The following NACC1 variants were observed in gnomAD, a reference collection of about 807,000 sequenced individuals.
NACC1 encodes the protein nucleus accumbens-associated protein 1.
In NACC1, 6 loss-of-function variants were observed where a neutral mutation model predicts 41.7. That is an observed-to-expected ratio of 0.14 (90% CI 0.08 to 0.28). The LOEUF (loss-of-function observed/expected upper bound fraction) is 0.28, where lower values mean the gene tolerates loss of function less well. NACC1 is among the 10% of genes least tolerant of loss of function. The pLI is 1.00. For synonymous variants in NACC1, 338 were observed against 330.6 expected (o/e 1.02, Z -0.24); for missense variants, 434 against 763.7 (o/e 0.57, Z 5.09).
intron 1 of NACC1, among the ~76,000 whole-genome samples, chr19:13,134,961 T>A (rs962020880): frequency 4.6e-5 from 7 of 152,248 alleles, no homozygotes; most frequent in Non-Finnish European, 1.0e-4. Context: ...GGATAGCGTG[T>A]GGCCACCCTG....
At position 13,137,553 on chromosome 19, in the gene NACC1, C is replaced by T; in HGVS notation, c.1302C>T (p.Ser434=). The T allele has an allele frequency of 6.4e-7, 1 of 1,560,474 alleles. No homozygotes were observed. Among genetic ancestry groups the T allele is most frequent in the Non-Finnish European group, 8.7e-7 (1 of 1,151,688 alleles). The change falls in exon 5 of 6, where the codon AGC becomes AGT. Residue 434 remains serine, a synonymous_variant. Coordinates refer to ENST00000292431, the MANE Select transcript of NACC1 (RefSeq NM_052876.4). The surrounding 1 kb of genome is among the most constrained non-coding windows in gnomAD (Gnocchi z 6.1). ...TNDPRRKPLD[S]RVLHAVKYYC... ...ATCCCCGTCGGAAGCCCCTGGACAG[C>T]CGCGTGCTCCACGCTGTCAAGTGTG...
intron 1 of NACC1, among the ~76,000 whole-genome samples, chr19:13,120,886 A>G (rs1354905333): frequency 1.3e-5 from 2 of 152,218 alleles, no homozygotes; most frequent in Non-Finnish European, 2.9e-5. Flanking sequence ...CTTAGCATGC[A>G]CAGACTCTGT....
At chr19:13,118,079 G>C (rs999220139), upstream of NACC1, 1 of 152,174 alleles carries the variant, frequency 6.6e-6, no homozygotes, top group Non-Finnish European at 1.5e-5. Context: ...CCATCGAGCT[G>C]AGCCGACGTA....
chr19:13,127,975 A>G (rs991102775), intron 1 of NACC1, among the ~76,000 whole-genome samples: 2 of 152,206 alleles, frequency 1.3e-5, no homozygotes, highest in Non-Finnish European at 2.9e-5. Context: ...CCAATAAAGC[A>G]TTGTAGGGGC....
At chr19:13,128,638 C>T (rs1037688726) in intron 1 of NACC1, among the ~76,000 whole-genome samples, 1 of 152,218 alleles carries the variant, frequency 6.6e-6, no homozygotes, top group Non-Finnish European at 1.5e-5. Flanking sequence ...CAGTGTCACC[C>T]CTTCTGGGCA....
At position 13,135,886 on chromosome 19, in the gene NACC1, G is replaced by A; in HGVS notation, c.679G>A (p.Val227Met). Residue 227 changes from valine (V) to methionine (M), a missense_variant, in exon 2 of 6, where the codon GTG becomes ATG. Around this residue, in one of 4 missense-constraint regions of NACC1, gnomAD observed 234 missense variants for 308.3 expected, o/e 0.76. Transcript: ENST00000292431. ...HQPPPPQQAPVVAAAQPAVAA... is the reference protein window; with the variant it reads ...HQPPPPQQAPMVAAAQPAVAA... ...GCCCCCGCCACCCCAACAGGCTCCG[G>A]TGGTGGCAGCAGCCCAGCCCGCCGT... 2 of 1,559,210 alleles carry A rather than the reference G, an allele frequency of 1.3e-6. No homozygotes were observed. Among genetic ancestry groups the A allele is most frequent in the Non-Finnish European group, 1.7e-6 (2 of 1,154,296 alleles).
At chr19:13,122,685 G>A (rs36083263) in intron 1 of NACC1, among the ~76,000 whole-genome samples, 27,029 of 152,116 alleles carry the variant, frequency 0.18, 2,652 homozygotes, top group Non-Finnish European at 0.19. Flanking sequence ...TGAGGTTTGC[G>A]GGAGAGGTTG....
Position 13,137,728 on chromosome 19 carries a change from T to C in NACC1, c.1324+153T>C, listed in dbSNP as rs748872149. On this transcript the variant is annotated intron_variant, in intron 5 of 5. Coordinates refer to ENST00000292431, the MANE Select transcript of NACC1 (RefSeq NM_052876.4). The surrounding 1 kb of genome is among the most constrained non-coding windows in gnomAD (Gnocchi z 6.1). ...TGCTGGGAAACCGGCTGTGATTGCT[T>C]AGAGATTTCTTCGTGTTTGGGGGAT... Among the ~76,000 whole-genome samples, 2 of 152,146 alleles carry C rather than the reference T, an allele frequency of 1.3e-5. No homozygotes were observed. Among genetic ancestry groups the C allele is most frequent in the Non-Finnish European group, 2.9e-5 (2 of 68,010 alleles).
chr19:13,127,355 CATACAT>C (rs1269446002), intron 1 of NACC1, among the ~76,000 whole-genome samples: 1 of 85,222 alleles, frequency 1.2e-5, no homozygotes, highest in Admixed American at 1.2e-4. Context: ...AAAAAAAAAG[CATACAT>C]ATACATATAC....
intron 1 of NACC1, among the ~76,000 whole-genome samples, chr19:13,126,841 C>T (rs2019568814): frequency 6.6e-6 from 1 of 152,118 alleles, no homozygotes; most frequent in Admixed American, 6.6e-5. Context: ...GGACTGTGAG[C>T]ACCCACTGTG....
Position 13,137,717 on chromosome 19 carries a change from C to CTGTGAT in NACC1, c.1324+145_1324+150dup. On this transcript the variant is annotated intron_variant, in intron 5 of 5. Coordinates refer to ENST00000292431, the MANE Select transcript of NACC1 (RefSeq NM_052876.4). This position sits in a 1 kb window ranked among gnomAD's most constrained non-coding sequence, Gnocchi z 6.1. ...CATTCTAGCCTTGCTGGGAAACCGG[C>CTGTGAT]TGTGATTGCTTAGAGATTTCTTCGT... 2 of 725,808 alleles carry CTGTGAT rather than the reference C, an allele frequency of 2.8e-6. No individual in the cohort carries two copies. Among genetic ancestry groups the CTGTGAT allele is most frequent in the Non-Finnish European group, 4.4e-6 (2 of 450,052 alleles). 45.0% of individuals were successfully genotyped at this position (725,808 alleles called of 1,614,324 possible). A position where few individuals can be genotyped will look rare whatever the true frequency, so the allele number is the denominator to read the frequency against.
At chr19:13,117,317 C>T (rs966409574), upstream of NACC1, among the ~76,000 whole-genome samples, 1 of 152,166 alleles carries the variant, frequency 6.6e-6, no homozygotes, top group African/African-American at 2.4e-5. Flanking sequence ...CTTAAGTTAC[C>T]GCTTTTGCAA....
intron 1 of NACC1, among the ~76,000 whole-genome samples, chr19:13,131,032 C>T (rs1486189734): frequency 6.6e-6 from 1 of 152,158 alleles, no homozygotes; most frequent in Non-Finnish European, 1.5e-5. Context: ...AGTGTTATCT[C>T]TGTCCTGGCA....
chr19:13,137,762 C>T lies in NACC1; in HGVS notation c.1324+187C>T, dbSNP rs528543269. On this transcript the variant is annotated intron_variant, in intron 5 of 5. Coordinates refer to ENST00000292431, the MANE Select transcript of NACC1 (RefSeq NM_052876.4). The surrounding 1 kb of genome is among the most constrained non-coding windows in gnomAD (Gnocchi z 6.1). ...CTTCGTGTTTGGGGGATGCACGTGCCGAAGGGAAGCCAGGGAGCCTGTGTC... is the reference window on the plus strand; with the variant it reads ...CTTCGTGTTTGGGGGATGCACGTGCTGAAGGGAAGCCAGGGAGCCTGTGTC... Among the ~76,000 whole-genome samples, 13 of 152,096 alleles carry T rather than the reference C, an allele frequency of 8.5e-5. No individual in the cohort carries two copies. Among genetic ancestry groups the T allele is most frequent in the Non-Finnish European group, 1.5e-4 (10 of 68,012 alleles).
intron 1 of NACC1, among the ~76,000 whole-genome samples, chr19:13,130,011 TTTGG>T (rs1568384030): frequency 6.6e-6 from 1 of 152,008 alleles, no homozygotes; most frequent in African/African-American, 2.4e-5. Context: ...TGTTTGTTTG[TTTGG>T]TTGGCTGGTT....
intron 1 of NACC1, among the ~76,000 whole-genome samples, chr19:13,129,595 C>T (rs1028226075): frequency 1.3e-5 from 2 of 152,198 alleles, no homozygotes; most frequent in African/African-American, 2.4e-5. Context: ...ACAGACCCGT[C>T]GCCCCACTCC....
In NACC1 at chr19:13,119,679, A is replaced by C. The variant is rs146654296; in HGVS notation, c.-9+1225A>C. Among the ~76,000 whole-genome samples the C allele has an allele frequency of 1.3e-3, 194 of 152,276 alleles. 1 individual carries two copies. Among genetic ancestry groups the C allele is most frequent in the African/African-American group, 3.5e-3 (145 of 41,534 alleles). ...AAGAATTAGAGGGAATGAGCATGTA[A>C]AACTCTGTTGATGGTGGTTTGGAGG... On this transcript the variant is annotated intron_variant, in intron 1 of 5. Coordinates refer to ENST00000292431, the MANE Select transcript of NACC1 (RefSeq NM_052876.4).
chr19:13,126,389 T>C (rs959780427), intron 1 of NACC1, among the ~76,000 whole-genome samples: 3 of 152,140 alleles, frequency 2.0e-5, no homozygotes, highest in Non-Finnish European at 4.4e-5. Flanking sequence ...GAGATAGGCT[T>C]TAGCATGTGA....
At chr19:13,128,636 C>A (rs1485964017) in intron 1 of NACC1, among the ~76,000 whole-genome samples, 1 of 152,172 alleles carries the variant, frequency 6.6e-6, no homozygotes, top group East Asian at 1.9e-4. Flanking sequence ...TCCAGTGTCA[C>A]CCCTTCTGGG....
Sources: allele counts gnomAD v4.1 joint callset (sites outside exome capture counted in the v4.1 genomes callset), GRCh38; gene constraint gnomAD v4.1.1; regional missense constraint gnomAD v4.1.1; non-coding constraint Gnocchi (gnomAD v3.1); transcripts MANE v1.5; gene names NCBI Gene and HGNC (gene_info 2026-07-23, HGNC 2026-07-21).